The following LMX1A variants were observed in gnomAD, a reference collection of about 807,000 sequenced individuals.
LMX1A encodes LIM homeobox transcription factor 1-alpha.
A neutral mutation model predicts 49.1 loss-of-function variants in LMX1A; 15 were observed. The observed-to-expected ratio is 0.31, with a 90% confidence interval of 0.20 to 0.47. The LOEUF is 0.47. Among genes scored for constraint, LMX1A ranks in the 20% least tolerant of loss-of-function variants. The pLI, the probability that LMX1A is intolerant of heterozygous loss-of-function variation, is 1.00. For synonymous variants in LMX1A, 167 were observed against 185.7 expected (o/e 0.90, Z 0.82); for missense variants, 372 against 475.8 (o/e 0.78, Z 2.03).
intron 3 of LMX1A, among the ~76,000 whole-genome samples, chr1:165,253,673 C>T (rs529233790): frequency 6.6e-6 from 1 of 152,278 alleles, no homozygotes; most frequent in Non-Finnish European, 1.5e-5. Flanking sequence ...TTGCCCTTGG[C>T]CATCAGAAGC....
intron 3 of LMX1A, among the ~76,000 whole-genome samples, chr1:165,318,999 TCACACACACA>T (rs35582531): frequency 8.5e-5 from 10 of 117,822 alleles, no homozygotes; most frequent in East Asian, 6.4e-4. Context: ...TCTCTCTCTC[TCACACACACA>T]CACACACACA....
At chr1:165,327,487 G>A (rs1324881512) in intron 3 of LMX1A, among the ~76,000 whole-genome samples, 2 of 152,234 alleles carry the variant, frequency 1.3e-5, no homozygotes, top group African/African-American at 4.8e-5. Context: ...GAAGGCAAGG[G>A]CAGGACTGCT....
chr1:165,257,121 G>C (rs770805171), intron 3 of LMX1A, among the ~76,000 whole-genome samples: 1 of 152,068 alleles, frequency 6.6e-6, no homozygotes, highest in Non-Finnish European at 1.5e-5. Context: ...TAGAAAGTGT[G>C]ATATTCTTTT....
chr1:165,353,044 G>A (rs374382494), intron 3 of LMX1A, 32 bp downstream of exon 3: 107 of 1,608,868 alleles, frequency 6.7e-5, no homozygotes, highest in Non-Finnish European at 8.4e-5. Flanking sequence ...ATGCCAGTGC[G>A]CGGGGAGCGC....
At chr1:165,328,547 A>C (rs962191098) in intron 3 of LMX1A, among the ~76,000 whole-genome samples, 1 of 152,298 alleles carries the variant, frequency 6.6e-6, no homozygotes, top group East Asian at 1.9e-4. Flanking sequence ...TTTACAATGC[A>C]CCTGTGCCCT....
At chr1:165,319,728 GAC>G (rs1655326842) in intron 3 of LMX1A, among the ~76,000 whole-genome samples, 1 of 152,138 alleles carries the variant, frequency 6.6e-6, no homozygotes, top group Non-Finnish European at 1.5e-5. Flanking sequence ...CAGACAGGCA[GAC>G]ACACAAACAC....
intron 5 of LMX1A, among the ~76,000 whole-genome samples, chr1:165,212,373 G>A (rs142310941): frequency 6.6e-6 from 1 of 152,334 alleles, no homozygotes; most frequent in Non-Finnish European, 1.5e-5. Flanking sequence ...ACAAGCCCAG[G>A]AGGGGGCTGC....
At chr1:165,221,929 ACAC>A (rs1651863353) in intron 4 of LMX1A, among the ~76,000 whole-genome samples, 1 of 141,012 alleles carries the variant, frequency 7.1e-6, no homozygotes, top group Non-Finnish European at 1.5e-5. Context: ...ACACACACAC[ACAC>A]ACACACACAC....
intron 3 of LMX1A, among the ~76,000 whole-genome samples, chr1:165,272,389 C>A (rs979442291): frequency 6.6e-6 from 1 of 152,198 alleles, no homozygotes; most frequent in Non-Finnish European, 1.5e-5. Context: ...AAGCATCAAC[C>A]ACCCTCATTC....
intron 3 of LMX1A, among the ~76,000 whole-genome samples, chr1:165,308,450 T>G (rs1654982106): frequency 6.6e-6 from 1 of 152,234 alleles, no homozygotes; most frequent in Admixed American, 6.5e-5. Flanking sequence ...TCCATGATTC[T>G]GCAAAGTGTC....
chr1:165,270,301 C>T (rs183854753), intron 3 of LMX1A, among the ~76,000 whole-genome samples: 1 of 152,162 alleles, frequency 6.6e-6, no homozygotes, highest in African/African-American at 2.4e-5. Context: ...AGACTCATAC[C>T]CCCCATAAAA....
intron 3 of LMX1A, among the ~76,000 whole-genome samples, chr1:165,300,411 A>G (rs887574846): frequency 2.0e-5 from 3 of 152,118 alleles, no homozygotes; most frequent in African/African-American, 7.2e-5. Flanking sequence ...TGCCTAACCC[A>G]TCCTTCTTCC....
At chr1:165,235,589 C>A (rs1325944304) in intron 4 of LMX1A, among the ~76,000 whole-genome samples, 1 of 152,084 alleles carries the variant, frequency 6.6e-6, no homozygotes, top group Non-Finnish European at 1.5e-5. Flanking sequence ...GGGCCCTAAT[C>A]CCGGGCCCGC....
chr1:165,260,544 A>G (rs536815900), intron 3 of LMX1A, among the ~76,000 whole-genome samples: 57 of 152,302 alleles, frequency 3.7e-4, no homozygotes, highest in Non-Finnish European at 7.1e-4. Flanking sequence ...TTTTAAAGCC[A>G]TAGTGTCACA....
chr1:165,216,218 A>G (rs148396498), intron 4 of LMX1A: 18 of 152,336 alleles, frequency 1.2e-4, no homozygotes, highest in African/African-American at 3.8e-4. Context: ...GTGGCAAGGA[A>G]AAAACAAGCA....
At chr1:165,238,638 C>T (rs6665694) in intron 4 of LMX1A, among the ~76,000 whole-genome samples, 58,276 of 151,908 alleles carry the variant, frequency 0.38, 11,747 homozygotes, top group African/African-American at 0.51. Context: ...TTGTTTTCAT[C>T]GCTTTAATTA....
At chr1:165,245,372 T>C (rs1166905538) in intron 4 of LMX1A, among the ~76,000 whole-genome samples, 1 of 152,188 alleles carries the variant, frequency 6.6e-6, no homozygotes, top group Admixed American at 6.5e-5. Flanking sequence ...CAATCCAGTT[T>C]GACCCTTTAT....
intron 3 of LMX1A, among the ~76,000 whole-genome samples, chr1:165,283,221 C>G (rs1321138146): frequency 6.6e-6 from 1 of 152,170 alleles, no homozygotes; most frequent in Non-Finnish European, 1.5e-5. Flanking sequence ...CTACAGTGTT[C>G]AGTACAGTCA....
At chr1:165,286,729 C>A (rs1387225636) in intron 3 of LMX1A, among the ~76,000 whole-genome samples, 1 of 152,096 alleles carries the variant, frequency 6.6e-6, no homozygotes, top group Non-Finnish European at 1.5e-5. Flanking sequence ...AGTAAATTAC[C>A]CGAAATCATA....
Sources: allele counts gnomAD v4.1 joint callset (sites outside exome capture counted in the v4.1 genomes callset), GRCh38; gene constraint gnomAD v4.1.1; transcripts MANE v1.5; gene names NCBI Gene and HGNC (gene_info 2026-07-23, HGNC 2026-07-21).